The following SSTR2 variants were observed in gnomAD, a reference collection of about 807,000 sequenced individuals.
SSTR2 encodes somatostatin receptor 2.
Under a neutral mutation model 21.4 loss-of-function variants are expected in SSTR2, and 10 were observed. The observed-to-expected ratio is 0.47, with a 90% CI of 0.29 to 0.79. The LOEUF is 0.79. Among genes scored for constraint, SSTR2 ranks in the 30% least tolerant of loss-of-function variants. SSTR2 has a pLI of 0.10. For missense variants in SSTR2, 364 were observed against 468.8 expected (o/e 0.78, Z 2.06); for synonymous variants, 177 against 181.3 (o/e 0.98, Z 0.19).
intron 1 of SSTR2, among the ~76,000 whole-genome samples, chr17:73,166,995 G>T (rs1232358874): frequency 2.0e-5 from 3 of 151,746 alleles, no homozygotes; most frequent in Admixed American, 6.6e-5. Context: ...GGGGGATTCC[G>T]TGTTACTCAG....
Position 73,169,815 on chromosome 17 carries a change from G to A in SSTR2, c.496G>A (p.Val166Met). 1 of 1,614,206 alleles carries A rather than the reference G, an allele frequency of 6.2e-7. No individual in the cohort carries two copies. The highest frequency in any genetic ancestry group is 8.5e-7 in the Non-Finnish European group (1 of 1,180,046). Residue 166 changes from valine (V) to methionine (M), a missense_variant, in exon 2 of 2, where the codon GTG (valine) becomes ATG (methionine). Around this residue, in one of 4 missense-constraint regions of SSTR2, gnomAD observed 193 missense variants for 273.1 expected, o/e 0.71. Coordinates refer to ENST00000357585, the MANE Select transcript of SSTR2 (RefSeq NM_001050.3). The surrounding 1 kb of genome is among the most constrained non-coding windows in gnomAD (Gnocchi z 5.2). ...GACGGCCAAGATGATCACCATGGCT[G>A]TGTGGGGAGTCTCTCTGCTGGTCAT... ...PRTAKMITMAVWGVSLLVILP... is the reference protein window; with the variant it reads ...PRTAKMITMAMWGVSLLVILP...
intron 1 of SSTR2, among the ~76,000 whole-genome samples, chr17:73,168,501 G>T (rs1375370220): frequency 6.6e-6 from 1 of 152,132 alleles, no homozygotes; most frequent in African/African-American, 2.4e-5. Flanking sequence ...AAGCAAACCA[G>T]ACTTTTATTT....
Position 73,174,178 on chromosome 17 carries a change from A to G in SSTR2, c.*3749A>G, listed in dbSNP as rs184151481. On this transcript the variant is annotated 3_prime_UTR_variant, in exon 2 of 2. Transcript: ENST00000357585. ...AAAAAGAAACTTAAGTGGGGTTCAT[A>G]CATAGCATGGCAGAGGGACACTGGA... is the stretch of plus-strand genomic sequence containing the variant. 4 of 152,206 alleles carry G rather than the reference A, an allele frequency of 2.6e-5. No individual in the cohort carries two copies. The East Asian group carries it at 7.7e-4, about 29-fold the overall frequency. 9.4% of individuals were successfully genotyped at this position (152,206 alleles called of 1,614,324 possible).
chr17:73,170,458 C>A lies in SSTR2; in HGVS notation c.*29C>A. 1 of 1,601,748 alleles carries A rather than the reference C, an allele frequency of 6.2e-7. No individual in the cohort carries two copies. Among genetic ancestry groups the A allele is most frequent in the Non-Finnish European group, 8.5e-7 (1 of 1,172,928 alleles). ...GCTTGGGGGGTGGGAAAGAACCAAGCCATGCTCTGTCTACTGGCAATGGGC... is the reference window on the plus strand; with the variant it reads ...GCTTGGGGGGTGGGAAAGAACCAAGACATGCTCTGTCTACTGGCAATGGGC... On this transcript the variant is annotated 3_prime_UTR_variant, in exon 2 of 2. Coordinates refer to ENST00000357585, the MANE Select transcript of SSTR2 (RefSeq NM_001050.3).
At chr17:73,166,454 G>A (rs956926409) in intron 1 of SSTR2, among the ~76,000 whole-genome samples, 77 of 151,792 alleles carry the variant, frequency 5.1e-4, no homozygotes, top group African/African-American at 1.8e-3. Context: ...GGGGGGCGGG[G>A]GGGGCAGGTG....
At position 73,170,936 on chromosome 17, in the gene SSTR2, T is replaced by A. The variant is rs1404823148; in HGVS notation, c.*507T>A. The A allele has an allele frequency of 5.5e-6, 2 of 364,078 alleles. No homozygotes were observed. Among genetic ancestry groups the A allele is most frequent in the African/African-American group, 2.1e-5 (1 of 46,642 alleles). 22.6% of individuals were successfully genotyped at this position (364,078 alleles called of 1,614,324 possible). A position where few individuals can be genotyped will look rare whatever the true frequency, so the allele number is the denominator to read the frequency against. ...AGAAATGGACTTACCGTGAAGCCAA[T>A]AAAGTTCAAGCTTCAGGGATCTCTC... On this transcript the variant is annotated 3_prime_UTR_variant, in exon 2 of 2. Coordinates refer to ENST00000357585, the MANE Select transcript of SSTR2 (RefSeq NM_001050.3).
Position 73,169,880 on chromosome 17 carries a change from G to A in SSTR2, c.561G>A (p.Gln187=), listed in dbSNP as rs533431614. 1.2e-6 allele frequency: 2 copies of A among 1,612,184 alleles called. No homozygotes were observed. Among genetic ancestry groups the A allele is most frequent in the Middle Eastern group, 1.7e-4 (1 of 6,056 alleles). ...IMIYAGLRSN[Q]WGRSSCTINW... Reference sequence around the variant, plus strand: ...TATATGCTGGGCTCCGGAGCAACCAGTGGGGGAGAAGCAGCTGCACCATCA... The same window carrying A: ...TATATGCTGGGCTCCGGAGCAACCAATGGGGGAGAAGCAGCTGCACCATCA... Residue 187 remains glutamine, a synonymous_variant, in exon 2 of 2, where the codon CAG becomes CAA. Transcript: ENST00000357585. The surrounding 1 kb of genome is among the most constrained non-coding windows in gnomAD (Gnocchi z 5.2).
In SSTR2 at chr17:73,172,858, A is replaced by C. The variant is rs1362348752; in HGVS notation, c.*2429A>C. On this transcript the variant is annotated 3_prime_UTR_variant, in exon 2 of 2. Transcript: ENST00000357585. Reference sequence around the variant, plus strand: ...CTTGAATAAATGCTGAGTTTTAGGGAAATGATTCCAAGGGACCAAGAATTG... The same window carrying C: ...CTTGAATAAATGCTGAGTTTTAGGGCAATGATTCCAAGGGACCAAGAATTG... 1.3e-5 allele frequency: 2 copies of C among 152,198 alleles called. No homozygotes were observed. Among genetic ancestry groups the C allele is most frequent in the African/African-American group, 4.8e-5 (2 of 41,436 alleles). The allele number at this position is 152,198 out of a possible 1,614,324, so 9.4% of individuals were successfully genotyped here. A position where few individuals can be genotyped will look rare whatever the true frequency, so the allele number is the denominator to read the frequency against.
intron 1 of SSTR2, among the ~76,000 whole-genome samples, chr17:73,168,994 C>T (rs1432197039): frequency 6.6e-6 from 1 of 152,198 alleles, no homozygotes; most frequent in Non-Finnish European, 1.5e-5. Flanking sequence ...ACAGCCCTCC[C>T]CGACATGTGC....
chr17:73,165,305 T>G lies in SSTR2; in HGVS notation c.-93+17T>G, dbSNP rs958176610. On this transcript the variant is annotated intron_variant, in intron 1 of 1. Coordinates refer to ENST00000357585, the MANE Select transcript of SSTR2 (RefSeq NM_001050.3). ...AAAGCAAAGGTGAGGGGTGTGTGTG[T>G]GTGTGTGTGTGTGTGTGTGTGTGTG... The G allele has an allele frequency of 6.9e-6, 1 of 143,902 alleles. No homozygotes were observed. The highest frequency in any genetic ancestry group is 1.5e-5 in the Non-Finnish European group (1 of 67,580). The allele number at this position is 143,902 out of a possible 1,614,324, so 8.9% of individuals were successfully genotyped here. A position where few individuals can be genotyped will look rare whatever the true frequency, so the allele number is the denominator to read the frequency against.
Position 73,169,565 on chromosome 17 carries a change from C to A in SSTR2, c.246C>A (p.Ile82=). ...TGAAGACCATCACCAACATTTACAT[C>A]CTCAACCTGGCCATCGCAGATGAGC... ...AKMKTITNIY[I]LNLAIADELF... The change falls in exon 2 of 2, where the codon ATC becomes ATA. Residue 82 remains isoleucine, a synonymous_variant. Coordinates refer to ENST00000357585, the MANE Select transcript of SSTR2 (RefSeq NM_001050.3). The surrounding 1 kb of genome is among the most constrained non-coding windows in gnomAD (Gnocchi z 5.2). 1 of 1,614,292 alleles carries A rather than the reference C, an allele frequency of 6.2e-7. No individual in the cohort carries two copies. The highest frequency in any genetic ancestry group is 8.5e-7 in the Non-Finnish European group (1 of 1,180,054).
chr17:73,171,046 A>C lies in SSTR2; in HGVS notation c.*617A>C. The C allele has an allele frequency of 4.9e-6, 1 of 202,916 alleles. No homozygotes were observed. The highest frequency in any genetic ancestry group is 1.1e-4 in the South Asian group (1 of 9,222). 12.6% of individuals were successfully genotyped at this position (202,916 alleles called of 1,614,324 possible). ...GTTTTTGTAAAAAATTGTGAAAGTA[A>C]GATATGTTTGTATTGTTTTTCTTAA... On this transcript the variant is annotated 3_prime_UTR_variant, in exon 2 of 2. Transcript: ENST00000357585.
At chr17:73,166,520 C>T (rs558659357) in intron 1 of SSTR2, among the ~76,000 whole-genome samples, 2 of 152,252 alleles carry the variant, frequency 1.3e-5, no homozygotes, top group Admixed American at 1.3e-4. Context: ...TCAGAGGAAA[C>T]CAACCACTAG....
Position 73,169,737 on chromosome 17 carries a change from C to T in SSTR2, c.418C>T (p.Arg140Ter), listed in dbSNP as rs887543051. The change falls in exon 2 of 2, where the codon CGA (arginine) becomes TGA (stop). Residue 140 changes from arginine (R) to a stop codon, truncating the protein, a stop_gained. Transcript: ENST00000357585. LOFTEE classifies it high-confidence loss of function. This position sits in a 1 kb window ranked among gnomAD's most constrained non-coding sequence, Gnocchi z 5.2. ...IFCLTVMSID[R>*]YLAVVHPIKS... ...CTGCCTGACAGTCATGAGCATCGACCGATACCTGGCTGTGGTCCACCCCAT... is the reference window on the plus strand; with the variant it reads ...CTGCCTGACAGTCATGAGCATCGACTGATACCTGGCTGTGGTCCACCCCAT... The T allele has an allele frequency of 2.5e-6, 4 of 1,614,068 alleles. No homozygotes were observed. Among genetic ancestry groups the T allele is most frequent in the African/African-American group, 1.3e-5 (1 of 74,934 alleles).
At position 73,170,313 on chromosome 17, in the gene SSTR2, G is replaced by A. The variant is rs1057174531; in HGVS notation, c.994G>A (p.Val332Met). The A allele has an allele frequency of 1.9e-6, 3 of 1,613,970 alleles. No homozygotes were observed. Among genetic ancestry groups the A allele is most frequent in the Non-Finnish European group, 1.7e-6 (2 of 1,180,028 alleles). ...CCAGAATGTCCTCTGCTTGGTCAAGGTGAGCGGCACAGATGATGGGGAGCG... is the reference window on the plus strand; with the variant it reads ...CCAGAATGTCCTCTGCTTGGTCAAGATGAGCGGCACAGATGATGGGGAGCG... The part of the protein sequence containing the change: ...SFQNVLCLVK[V>M]SGTDDGERSD... The change falls in exon 2 of 2, where the codon GTG (valine) becomes ATG (methionine). Residue 332 changes from valine (V) to methionine (M), a missense_variant. Transcript: ENST00000357585.
rs6413535 is a variant in SSTR2 at position 73,169,127 on chromosome 17, A to G, written c.-92-101A>G. On this transcript the variant is annotated intron_variant, in intron 1 of 1. Transcript: ENST00000357585. This position sits in a 1 kb window ranked among gnomAD's most constrained non-coding sequence, Gnocchi z 5.2. ...ATGTGGAAAGATAATACATTTTTCAATTTAAGAGTATGTCTGAGAGGCTAA... is the reference window on the plus strand; with the variant it reads ...ATGTGGAAAGATAATACATTTTTCAGTTTAAGAGTATGTCTGAGAGGCTAA... 7.7e-5 allele frequency: 48 copies of G among 624,006 alleles called. 1 individual carries two copies. In the South Asian group the frequency reaches 9.5e-4, roughly 12 times the overall value. 38.7% of individuals were successfully genotyped at this position (624,006 alleles called of 1,614,324 possible). A position where few individuals can be genotyped will look rare whatever the true frequency, so the allele number is the denominator to read the frequency against.
At position 73,170,142 on chromosome 17, in the gene SSTR2, T is replaced by G. The variant is rs757739971; in HGVS notation, c.823T>G (p.Phe275Val). Reference protein sequence around the residue: ...FIFCWLPFYIFNVSSVSMAIS... With the variant: ...FIFCWLPFYIVNVSSVSMAIS... ...CTTCTGCTGGCTTCCCTTCTACATATTCAACGTTTCTTCCGTCTCCATGGC... is the reference window on the plus strand; with the variant it reads ...CTTCTGCTGGCTTCCCTTCTACATAGTCAACGTTTCTTCCGTCTCCATGGC... The change falls in exon 2 of 2, where the codon TTC becomes GTC. Residue 275 changes from phenylalanine to valine, a missense_variant. Transcript: ENST00000357585. 1 of 1,614,178 alleles carries G rather than the reference T, an allele frequency of 6.2e-7. No homozygotes were observed. Among genetic ancestry groups the G allele is most frequent in the Non-Finnish European group, 8.5e-7 (1 of 1,180,036 alleles).
At position 73,165,301 on chromosome 17, in the gene SSTR2, T is replaced by G. The variant is rs1391425934; in HGVS notation, c.-93+13T>G. 93 of 130,848 alleles carry G rather than the reference T, an allele frequency of 7.1e-4. 1 individual carries two copies. Among genetic ancestry groups the G allele is most frequent in the South Asian group, 5.0e-4 (2 of 4,032 alleles). The allele number at this position is 130,848 out of a possible 1,614,324, so 8.1% of individuals were successfully genotyped here. On this transcript the variant is annotated intron_variant, in intron 1 of 1. Coordinates refer to ENST00000357585, the MANE Select transcript of SSTR2 (RefSeq NM_001050.3). ...CGGAAAAGCAAAGGTGAGGGGTGTGTGTGTGTGTGTGTGTGTGTGTGTGTG... is the reference window on the plus strand; with the variant it reads ...CGGAAAAGCAAAGGTGAGGGGTGTGGGTGTGTGTGTGTGTGTGTGTGTGTG...
chr17:73,169,422 G>A lies in SSTR2; in HGVS notation c.103G>A (p.Glu35Lys). ...VVSTNTSNQT[E>K]PYYDLTSNAV... ...GTCAACCAACACCTCAAACCAGACA[G>A]AGCCGTACTATGACCTGACAAGCAA... The change falls in exon 2 of 2, where the codon GAG (glutamate) becomes AAG (lysine). Residue 35 changes from glutamate (E) to lysine (K), a missense_variant. Around this residue, in one of 4 missense-constraint regions of SSTR2, gnomAD observed 75 missense variants for 75.4 expected, o/e 0.99. Coordinates refer to ENST00000357585, the MANE Select transcript of SSTR2 (RefSeq NM_001050.3). This position sits in a 1 kb window ranked among gnomAD's most constrained non-coding sequence, Gnocchi z 5.2. The A allele has an allele frequency of 6.2e-7, 1 of 1,614,266 alleles. No homozygotes were observed. The highest frequency in any genetic ancestry group is 8.5e-7 in the Non-Finnish European group (1 of 1,180,048).
Sources: allele counts gnomAD v4.1 joint callset (sites outside exome capture counted in the v4.1 genomes callset), GRCh38; gene constraint gnomAD v4.1.1; regional missense constraint gnomAD v4.1.1; non-coding constraint Gnocchi (gnomAD v3.1); transcripts MANE v1.5; gene names NCBI Gene and HGNC (gene_info 2026-07-23, HGNC 2026-07-21).